ROR1: variants seen among roughly 807,000 people sequenced by gnomAD.
The protein encoded by ROR1 is inactive tyrosine-protein kinase transmembrane receptor ROR1.
ROR1 carries 19 observed loss-of-function variants against 78.8 expected under a neutral mutation model. That is an observed-to-expected ratio of 0.24 (90% confidence interval 0.17 to 0.35). ROR1 has a LOEUF of 0.35. ROR1 is among the 10% of genes least tolerant of loss of function. ROR1 has a pLI of 1.00. For missense variants in ROR1, 917 were observed against 1,177.8 expected (o/e 0.78, Z 3.24); for synonymous variants, 386 against 433.6 (o/e 0.89, Z 1.36).
At chr1:63,846,126 G>C (rs1176126050) in intron 1 of ROR1, among the ~76,000 whole-genome samples, 1 of 34,288 alleles carries the variant, frequency 2.9e-5, no homozygotes, top group Middle Eastern at 0.013. Flanking sequence ...GAATGTGTGT[G>C]TGTGTGTGTG....
At chr1:64,143,374 A>G (rs1483691873) in intron 7 of ROR1, 1 of 981,418 alleles carries the variant, frequency 1.0e-6, no homozygotes. Flanking sequence ...AAAGAAAAAA[A>G]AAAAAAGAAA....
chr1:64,169,408 A>G (rs1199137260), intron 8 of ROR1, among the ~76,000 whole-genome samples: 1 of 152,106 alleles, frequency 6.6e-6, no homozygotes, highest in African/African-American at 2.4e-5. Flanking sequence ...TTGTGCGGGG[A>G]AACTCCCCCT....
intron 1 of ROR1, among the ~76,000 whole-genome samples, chr1:63,939,271 C>G (rs945658711): frequency 6.6e-6 from 1 of 152,128 alleles, no homozygotes; most frequent in Non-Finnish European, 1.5e-5. Context: ...CCCAGGTCAG[C>G]TTTAAGCCAA....
chr1:63,889,848 T>A (rs1645382265), intron 1 of ROR1, among the ~76,000 whole-genome samples: 1 of 152,206 alleles, frequency 6.6e-6, no homozygotes, highest in Non-Finnish European at 1.5e-5. Context: ...TTTGTTTTTC[T>A]CTTCTAGAGT....
rs1646455527 is a variant in ROR1 at position 64,009,221 on chromosome 1, C to A, written c.92-84C>A. 2.9e-6 allele frequency: 3 copies of A among 1,035,810 alleles called. No homozygotes were observed. The South Asian group carries it at 3.9e-5, about 14-fold the overall frequency. The allele number at this position is 1,035,810 out of a possible 1,614,324, so 64.2% of individuals were successfully genotyped here. ...CTCCAAAGGCAGGCCCTTTGGAAAT[C>A]TCCTCTAATGCTTCTAACAGCCTAT... On this transcript the variant is annotated intron_variant, in intron 1 of 8. Transcript: ENST00000371079.
chr1:63,795,478 G>A (rs1644754857), intron 1 of ROR1, among the ~76,000 whole-genome samples: 1 of 152,104 alleles, frequency 6.6e-6, no homozygotes, highest in Non-Finnish European at 1.5e-5. Context: ...GTGACTCTAG[G>A]TGCTGGATCT....
chr1:63,970,381 A>T (rs80238907), intron 1 of ROR1, among the ~76,000 whole-genome samples: 2 of 152,222 alleles, frequency 1.3e-5, no homozygotes, highest in Non-Finnish European at 2.9e-5. Context: ...TGATTAAAAG[A>T]TAAATTTTTG....
intron 8 of ROR1, among the ~76,000 whole-genome samples, chr1:64,162,992 G>A (rs1330876548): frequency 2.0e-5 from 3 of 152,074 alleles, no homozygotes; most frequent in Non-Finnish European, 2.9e-5. Flanking sequence ...AGCAGGGAGG[G>A]GGCAGAGTCT....
At chr1:63,876,279 T>G (rs1645284363) in intron 1 of ROR1, among the ~76,000 whole-genome samples, 1 of 152,116 alleles carries the variant, frequency 6.6e-6, no homozygotes. Flanking sequence ...AAAGCACTGG[T>G]CTATTGATTC....
intron 2 of ROR1, among the ~76,000 whole-genome samples, chr1:64,042,665 G>A (rs753092717): frequency 2.0e-5 from 3 of 152,176 alleles, no homozygotes; most frequent in Non-Finnish European, 2.9e-5. Flanking sequence ...ATAATGAACT[G>A]TGGTTATTCA....
chr1:64,029,145 C>T (rs1344356880), intron 2 of ROR1: 1 of 151,916 alleles, frequency 6.6e-6, no homozygotes, highest in Non-Finnish European at 1.5e-5. Flanking sequence ...GAGTACCTTC[C>T]ACATGCTGGG....
chr1:64,110,210 G>C (rs916860910), intron 4 of ROR1, among the ~76,000 whole-genome samples: 14 of 152,174 alleles, frequency 9.2e-5, no homozygotes, highest in African/African-American at 3.1e-4. Flanking sequence ...AATGAAGGCA[G>C]CTCACTTTTC....
At chr1:63,799,095 TC>T (rs1644780070) in intron 1 of ROR1, among the ~76,000 whole-genome samples, 1 of 151,960 alleles carries the variant, frequency 6.6e-6, no homozygotes, top group Non-Finnish European at 1.5e-5. Flanking sequence ...CTCATTTGCC[TC>T]ATCTGTAAAG....
intron 1 of ROR1, among the ~76,000 whole-genome samples, chr1:63,915,140 GA>G (rs1645599458): frequency 6.6e-6 from 1 of 152,180 alleles, no homozygotes; most frequent in Non-Finnish European, 1.5e-5. Context: ...AAGAGGTTAA[GA>G]AGTGGGCTGC....
intron 2 of ROR1, among the ~76,000 whole-genome samples, chr1:64,016,176 G>A (rs2100551199): frequency 6.6e-6 from 1 of 152,174 alleles, no homozygotes; most frequent in East Asian, 1.9e-4. Flanking sequence ...TGAAAGGGAG[G>A]CATCAATCCT....
At chr1:64,017,471 T>A (rs1470791131) in intron 2 of ROR1, among the ~76,000 whole-genome samples, 1 of 152,024 alleles carries the variant, frequency 6.6e-6, no homozygotes, top group African/African-American at 2.4e-5. Context: ...TATCCGGAAA[T>A]AGAGGGAAAA....
chr1:64,117,475 A>G (rs1165316651), intron 4 of ROR1, among the ~76,000 whole-genome samples: 1 of 152,150 alleles, frequency 6.6e-6, no homozygotes, highest in Admixed American at 6.5e-5. Flanking sequence ...GATAAAAATC[A>G]CATTTTCTGA....
At chr1:64,049,592 C>G in intron 2 of ROR1, 99 bp from the exon 3 acceptor site, 3 of 1,051,610 alleles carry the variant, frequency 2.9e-6, no homozygotes, top group Non-Finnish European at 2.8e-6. Context: ...CCTGCTCAGC[C>G]TCTCTGTGAT....
At chr1:64,075,659 C>T (rs1196165836) in intron 4 of ROR1, among the ~76,000 whole-genome samples, 1 of 152,192 alleles carries the variant, frequency 6.6e-6, no homozygotes, top group East Asian at 1.9e-4. Flanking sequence ...TTATAAGTAA[C>T]AAGATCTCCC....
Sources: allele counts gnomAD v4.1 joint callset (sites outside exome capture counted in the v4.1 genomes callset), GRCh38; gene constraint gnomAD v4.1.1; transcripts MANE v1.5; gene names NCBI Gene and HGNC (gene_info 2026-07-23, HGNC 2026-07-21).